The following ALMS1 variants were observed in gnomAD, a reference collection of about 807,000 sequenced individuals.
ALMS1 encodes the protein ALMS1 centrosome and basal body associated protein, also known as centrosome-associated protein ALMS1.
ALMS1 carries 271 observed loss-of-function variants against 352.2 expected under a neutral mutation model. The observed-to-expected ratio is 0.77, with a 90% CI of 0.70 to 0.85. ALMS1 has a LOEUF of 0.85. ALMS1 is among the 40% of genes least tolerant of loss of function. The probability of loss-of-function intolerance (pLI) is 0.00; values close to 1 mark genes in which losing one functional copy is unlikely to be tolerated. For missense variants in ALMS1, 5,445 were observed against 4,870.7 expected (o/e 1.12, Z -3.51); for synonymous variants, 1,865 against 1,761.2 (o/e 1.06, Z -1.48).
intron 9 of ALMS1, among the ~76,000 whole-genome samples, chr2:73,463,004 A>C (rs1383593996): frequency 1.1e-4 from 16 of 152,238 alleles, no homozygotes; most frequent in Admixed American, 1.3e-4. Context: ...ACACAATAAC[A>C]ATGGGAGACT....
intron 9 of ALMS1, among the ~76,000 whole-genome samples, chr2:73,471,847 C>T (rs1195379060): frequency 1.3e-5 from 2 of 152,020 alleles, no homozygotes; most frequent in East Asian, 3.9e-4. Flanking sequence ...CATATGATCC[C>T]ACTTCTGGGT....
chr2:73,538,856 G>A (rs756790209), intron 12 of ALMS1, among the ~76,000 whole-genome samples: 15 of 152,198 alleles, frequency 9.9e-5, no homozygotes, highest in East Asian at 1.9e-4. Context: ...CTCCATTGCC[G>A]AGGCTTGAGT....
chr2:73,595,564 A>AT (rs1173256179), intron 16 of ALMS1, among the ~76,000 whole-genome samples: 2 of 152,018 alleles, frequency 1.3e-5, no homozygotes, highest in East Asian at 1.9e-4. Context: ...GGATTGTTTG[A>AT]TTTTTTTGGA....
At position 73,385,908 on chromosome 2, in the gene ALMS1, G is replaced by A; in HGVS notation, c.40G>A (p.Glu14Lys). 1 of 347,786 alleles carries A rather than the reference G, an allele frequency of 2.9e-6. No individual in the cohort carries two copies. The highest frequency in any genetic ancestry group is 4.7e-6 in the Non-Finnish European group (1 of 214,746). 21.5% of individuals were successfully genotyped at this position (347,786 alleles called of 1,614,324 possible). The stretch of plus-strand genomic sequence containing the variant: ...TCTGCCATGGCCGGGCGAGCTGGAG[G>A]AGGAGGAGGAGGAGGAGGAGGAGGA... Reference protein sequence around the residue: ...EDLPWPGELEEEEEEEEEEEE... With the variant: ...EDLPWPGELEKEEEEEEEEEE... The change falls in exon 1 of 23, where the codon GAG becomes AAG. Residue 14 changes from glutamate (E) to lysine (K), a missense_variant. Glu to Lys is a moderately conservative substitution (Grantham distance 56). Transcript: ENST00000613296.
chr2:73,523,557 A>G (rs1673727756), intron 11 of ALMS1, among the ~76,000 whole-genome samples: 1 of 152,206 alleles, frequency 6.6e-6, no homozygotes, highest in African/African-American at 2.4e-5. Flanking sequence ...ACCTGAGGTC[A>G]GGAGTTTGAG....
intron 16 of ALMS1, among the ~76,000 whole-genome samples, chr2:73,593,016 T>C (rs1675464018): frequency 6.6e-6 from 1 of 152,236 alleles, no homozygotes; most frequent in Non-Finnish European, 1.5e-5. Flanking sequence ...ATAATGCCAT[T>C]TAATATATAG....
At chr2:73,409,571 T>C (rs931811681) in intron 2 of ALMS1, among the ~76,000 whole-genome samples, 1 of 152,204 alleles carries the variant, frequency 6.6e-6, no homozygotes, top group African/African-American at 2.4e-5. Flanking sequence ...AAATAGTATA[T>C]TTTAAAGTAA....
At chr2:73,509,434 G>C (rs1444100189) in intron 10 of ALMS1, among the ~76,000 whole-genome samples, 1 of 152,124 alleles carries the variant, frequency 6.6e-6, no homozygotes. Context: ...TCCTTCAGGA[G>C]GTCTTGTAAG....
At chr2:73,602,489 G>A (rs749957953) in intron 20 of ALMS1, 121 bp downstream of exon 20, 2 of 1,231,076 alleles carry the variant, frequency 1.6e-6, no homozygotes, top group Non-Finnish European at 2.3e-6. Flanking sequence ...GTGACCTTTT[G>A]CTTGCCAAGA....
chr2:73,477,073 A>T (rs538039213), intron 9 of ALMS1, among the ~76,000 whole-genome samples: 3 of 151,688 alleles, frequency 2.0e-5, no homozygotes, highest in Non-Finnish European at 2.9e-5. Flanking sequence ...TTACCTTTTC[A>T]CTCTGTTGAT....
intron 7 of ALMS1, among the ~76,000 whole-genome samples, chr2:73,435,701 C>A (rs1477609265): frequency 3.3e-5 from 5 of 151,984 alleles, no homozygotes; most frequent in African/African-American, 1.2e-4. Flanking sequence ...AAGTGATCCT[C>A]CTGCCTCAGC....
chr2:73,429,279 T>G (rs1020088040), intron 6 of ALMS1, among the ~76,000 whole-genome samples: 5 of 54,412 alleles, frequency 9.2e-5, no homozygotes, highest in Non-Finnish European at 1.6e-4. Flanking sequence ...ATTAATATGC[T>G]TTTTTTTTTT....
chr2:73,481,957 T>A (rs1485072008), intron 9 of ALMS1, among the ~76,000 whole-genome samples: 1 of 152,084 alleles, frequency 6.6e-6, no homozygotes, highest in Non-Finnish European at 1.5e-5. Flanking sequence ...AAGTTGCTTA[T>A]CAGCTTAAGG....
chr2:73,453,075 C>G lies in ALMS1; in HGVS notation c.6548C>G (p.Thr2183Arg). The change falls in exon 8 of 23, where the codon ACA becomes AGA. Residue 2183 changes from threonine to arginine, a missense_variant. Transcript: ENST00000613296. ...GCTGATCAAATTACCGGATTACAAA[C>G]AGTTCCCTCTGGTACTTACTCACAT... The part of the protein sequence containing the change: ...GQADQITGLQ[T>R]VPSGTYSHGE... 1 of 1,614,044 alleles carries G rather than the reference C, an allele frequency of 6.2e-7. No individual in the cohort carries two copies. Among genetic ancestry groups the G allele is most frequent in the Non-Finnish European group, 8.5e-7 (1 of 1,180,008 alleles).
At chr2:73,517,108 A>G (rs1202871911) in intron 10 of ALMS1, among the ~76,000 whole-genome samples, 1 of 152,030 alleles carries the variant, frequency 6.6e-6, no homozygotes, top group African/African-American at 2.4e-5. Flanking sequence ...GTCCTTTTCA[A>G]TTAGTGAATG....
In ALMS1 at chr2:73,490,309, G is replaced by C. The variant is rs1458798015; in HGVS notation, c.8350G>C (p.Glu2784Gln). ...FKMHSNSQDK[E>Q]VTILAEGRRQ... is the part of the protein sequence containing the mutation. ...AATGCATAGTAATTCACAAGATAAA[G>C]AAGTGACTATTTTAGCAGAAGGTAG... The change falls in exon 10 of 23, where the codon GAA (glutamate) becomes CAA (glutamine). Residue 2784 changes from glutamate (E) to glutamine (Q), a missense_variant. Physicochemically the swap from Glu to Gln is conservative, Grantham distance 29 (BLOSUM62 2). Transcript: ENST00000613296. The C allele has an allele frequency of 5.6e-6, 9 of 1,612,112 alleles. No homozygotes were observed. Among genetic ancestry groups the C allele is most frequent in the Non-Finnish European group, 6.8e-6 (8 of 1,179,176 alleles).
intron 1 of ALMS1, among the ~76,000 whole-genome samples, chr2:73,396,712 T>G (rs1047659444): frequency 6.0e-5 from 9 of 150,730 alleles, no homozygotes; most frequent in African/African-American, 2.2e-4. Flanking sequence ...TGGCGCGATC[T>G]CAGCTCACTG....
intron 10 of ALMS1, among the ~76,000 whole-genome samples, chr2:73,508,271 C>T (rs1266742785): frequency 2.1e-5 from 3 of 144,756 alleles, no homozygotes; most frequent in Non-Finnish European, 3.0e-5. Flanking sequence ...GGCGCGATCT[C>T]GGCTTACTGC....
intron 10 of ALMS1, among the ~76,000 whole-genome samples, chr2:73,495,392 A>G (rs10210472): frequency 1 from 152,166 of 152,178 alleles, 76,077 homozygotes; most frequent in Non-Finnish European, 1. Flanking sequence ...GCACCACCAA[A>G]CCCAGCTAAT....
Sources: allele counts gnomAD v4.1 joint callset (sites outside exome capture counted in the v4.1 genomes callset), GRCh38; gene constraint gnomAD v4.1.1; transcripts MANE v1.5; gene names NCBI Gene and HGNC (gene_info 2026-07-23, HGNC 2026-07-21).